The following FAM184A variants were observed in gnomAD, a reference collection of about 807,000 sequenced individuals.
The protein encoded by FAM184A is family with sequence similarity 184 member A, also known as protein FAM184A.
In FAM184A, 99 loss-of-function variants were observed where a neutral mutation model predicts 143.8. The ratio of observed to expected loss-of-function variants is 0.69; its 90% CI spans 0.58 to 0.81. The LOEUF (loss-of-function observed/expected upper bound fraction) is 0.81. Among genes scored for constraint, FAM184A ranks in the 40% least tolerant of loss-of-function variants. FAM184A has a pLI of 0.00. For synonymous variants in FAM184A, 427 were observed against 446.4 expected, an observed-to-expected ratio of 0.96 and a Z score of 0.55; for missense variants, 1,217 against 1,310.5, an observed-to-expected ratio of 0.93 and a Z score of 1.10.
At chr6:119,142,992 G>T (rs1772297439) in intron 1 of FAM184A, among the ~76,000 whole-genome samples, 1 of 152,260 alleles carries the variant, frequency 6.6e-6, no homozygotes, top group East Asian at 1.9e-4. Context: ...GGGCACCAGG[G>T]GTTTCTGGGA....
At chr6:118,982,358 G>A (rs913062295) in intron 9 of FAM184A, among the ~76,000 whole-genome samples, 6 of 152,160 alleles carry the variant, frequency 3.9e-5, no homozygotes, top group Non-Finnish European at 7.4e-5. Flanking sequence ...CCTAAGCATG[G>A]GGACCCATGG....
At chr6:119,101,013 G>T (rs1788623855) in intron 1 of FAM184A, among the ~76,000 whole-genome samples, 1 of 151,330 alleles carries the variant, frequency 6.6e-6, no homozygotes, top group Admixed American at 6.6e-5. Context: ...TGTTTTTATA[G>T]GCTCTATGAA....
intron 5 of FAM184A, among the ~76,000 whole-genome samples, chr6:119,013,459 A>C (rs1785148624): frequency 6.6e-6 from 1 of 152,224 alleles, no homozygotes; most frequent in African/African-American, 2.4e-5. Flanking sequence ...GTAATACCAA[A>C]AGATAGCTAG....
intron 1 of FAM184A, among the ~76,000 whole-genome samples, chr6:119,062,301 TTTAA>T (rs1411105570): frequency 3.3e-5 from 5 of 152,118 alleles, no homozygotes; most frequent in African/African-American, 1.2e-4. Flanking sequence ...CACTTTTCAG[TTTAA>T]TTGTTTTTGT....
At chr6:119,077,309 G>T (rs182576214) in intron 1 of FAM184A, among the ~76,000 whole-genome samples, 1 of 152,174 alleles carries the variant, frequency 6.6e-6, no homozygotes, top group East Asian at 1.9e-4. Flanking sequence ...ACACATTAAG[G>T]TATATCATCT....
Position 119,078,233 on chromosome 6 carries a change from A to T in FAM184A, c.67T>A (p.Ser23Thr), listed in dbSNP as rs941802565. The T allele has an allele frequency of 7.8e-6, 12 of 1,536,874 alleles. No homozygotes were observed. In the South Asian group the frequency reaches 1.4e-4, roughly 18 times the overall value. ...CCAGCCAGCTGTGCGGTGGCCGGCGAGGGCGCGAATTTGGCCGCCGAGCCG... is the reference window on the plus strand; with the variant it reads ...CCAGCCAGCTGTGCGGTGGCCGGCGTGGGCGCGAATTTGGCCGCCGAGCCG... ...YGGSAAKFAP[S>T]PATAQLAGHS... is the part of the protein sequence containing the mutation. The change falls in exon 1 of 18, where the codon TCG (serine) becomes ACG (threonine). Residue 23 changes from serine (S) to threonine (T), a missense_variant. By Grantham distance (58) the Ser-to-Thr change is moderately conservative. Coordinates refer to ENST00000338891, the MANE Select transcript of FAM184A (RefSeq NM_024581.6). The surrounding 1 kb of genome is among the most constrained non-coding windows in gnomAD (Gnocchi z 5.5).
intron 1 of FAM184A, among the ~76,000 whole-genome samples, chr6:119,050,692 C>G (rs1331967315): frequency 6.6e-6 from 1 of 151,950 alleles, no homozygotes. Flanking sequence ...GTAGTCCCAG[C>G]TACTCGGGAG....
intron 14 of FAM184A, among the ~76,000 whole-genome samples, chr6:118,970,143 A>G (rs1196546843): frequency 6.7e-6 from 1 of 148,900 alleles, no homozygotes; most frequent in Non-Finnish European, 1.5e-5. Flanking sequence ...AGCTGGGATT[A>G]CAAGTGTCTG....
At chr6:119,135,129 A>T (rs1314907916) in intron 1 of FAM184A, among the ~76,000 whole-genome samples, 1 of 152,262 alleles carries the variant, frequency 6.6e-6, no homozygotes, top group African/African-American at 2.4e-5. Flanking sequence ...TGGTATACTT[A>T]TACAGTGAAA....
intron 3 of FAM184A, among the ~76,000 whole-genome samples, chr6:119,022,427 AC>A (rs1317842436): frequency 6.7e-6 from 1 of 150,044 alleles, no homozygotes; most frequent in East Asian, 1.9e-4. Context: ...ACAAAGGAAA[AC>A]TCTCAAGTTT....
intron 8 of FAM184A, 62 bp from the exon 9 acceptor site, chr6:119,003,111 G>A: frequency 7.1e-7 from 1 of 1,415,018 alleles, no homozygotes; most frequent in African/African-American, 1.4e-5. Context: ...GACTGTAATA[G>A]AGTCTACAGG....
At chr6:119,014,452 T>G (rs1393900732) in intron 5 of FAM184A, among the ~76,000 whole-genome samples, 1 of 152,216 alleles carries the variant, frequency 6.6e-6, no homozygotes, top group African/African-American at 2.4e-5. Flanking sequence ...TGTCATATAT[T>G]ACTATTAGCA....
intron 10 of FAM184A, among the ~76,000 whole-genome samples, chr6:118,979,894 T>C (rs907376619): frequency 6.6e-6 from 1 of 151,010 alleles, no homozygotes; most frequent in Non-Finnish European, 1.5e-5. Context: ...AAAAAAAAAT[T>C]AAAAAATTAG....
chr6:119,052,812 A>C (rs571992551), intron 1 of FAM184A, among the ~76,000 whole-genome samples: 2 of 152,320 alleles, frequency 1.3e-5, no homozygotes, highest in South Asian at 4.1e-4. Flanking sequence ...CACATAAGGA[A>C]TTTGAATTTC....
intron 1 of FAM184A, among the ~76,000 whole-genome samples, chr6:119,085,833 G>T (rs1582602765): frequency 6.6e-6 from 1 of 152,284 alleles, no homozygotes; most frequent in South Asian, 2.1e-4. Flanking sequence ...GAGGGTGAAG[G>T]GGAAGCAAAC....
At chr6:118,982,021 G>A (rs927226443) in intron 9 of FAM184A, among the ~76,000 whole-genome samples, 1 of 152,080 alleles carries the variant, frequency 6.6e-6, no homozygotes, top group Non-Finnish European at 1.5e-5. Flanking sequence ...CAGCACCCAC[G>A]ACTTACAGAC....
chr6:119,086,065 A>C (rs1016351302), intron 1 of FAM184A, among the ~76,000 whole-genome samples: 1 of 152,326 alleles, frequency 6.6e-6, no homozygotes, highest in Admixed American at 6.5e-5. Context: ...GATTTGGTAG[A>C]GACACAGATC....
At chr6:119,069,843 G>T (rs138033408) in intron 1 of FAM184A, among the ~76,000 whole-genome samples, 1 of 151,814 alleles carries the variant, frequency 6.6e-6, no homozygotes, top group East Asian at 1.9e-4. Context: ...TAATAATTTC[G>T]CATAAATAGG....
intron 9 of FAM184A, among the ~76,000 whole-genome samples, chr6:118,996,362 C>A (rs541381265): frequency 2.6e-5 from 4 of 152,132 alleles, no homozygotes; most frequent in African/African-American, 9.6e-5. Flanking sequence ...CAGGACTTGG[C>A]GTAGGAAAAA....
Sources: allele counts gnomAD v4.1 joint callset (sites outside exome capture counted in the v4.1 genomes callset), GRCh38; gene constraint gnomAD v4.1.1; non-coding constraint Gnocchi (gnomAD v3.1); transcripts MANE v1.5; gene names NCBI Gene and HGNC (gene_info 2026-07-23, HGNC 2026-07-21).